Variants in SUSD4 observed in about 807,000 individuals in gnomAD.
The protein encoded by SUSD4 is sushi domain containing 4, also known as sushi domain-containing protein 4.
A neutral mutation model predicts 50.5 loss-of-function variants in SUSD4; 41 were observed. The ratio of observed to expected loss-of-function variants is 0.81; its 90% CI spans 0.63 to 1.05. The LOEUF (loss-of-function observed/expected upper bound fraction) is 1.05. SUSD4 is among the 50% of genes least tolerant of loss of function. The probability of loss-of-function intolerance (pLI) is 0.00; values close to 1 mark genes in which losing one functional copy is unlikely to be tolerated. For synonymous variants in SUSD4, 257 were observed against 257.3 expected (o/e 1.00, Z 0.01); for missense variants, 580 against 634.7 (o/e 0.91, Z 0.93).
intron 2 of SUSD4, among the ~76,000 whole-genome samples, chr1:223,327,378 G>A (rs915664970): frequency 1.3e-5 from 2 of 152,040 alleles, no homozygotes; most frequent in African/African-American, 4.8e-5. Flanking sequence ...TACATATTAG[G>A]TACAATGTAC....
At chr1:223,361,248 C>A (rs1668959054) in intron 2 of SUSD4, among the ~76,000 whole-genome samples, 1 of 152,118 alleles carries the variant, frequency 6.6e-6, no homozygotes, top group South Asian at 2.1e-4. Context: ...ATAGGACATC[C>A]CCCACCACCC....
chr1:223,234,928 TC>T, intron 5 of SUSD4: 1 of 1,566,240 alleles, frequency 6.4e-7, no homozygotes, highest in Non-Finnish European at 8.6e-7. Context: ...AATTCAAACG[TC>T]CTTTATTGCA....
chr1:223,322,801 T>C (rs1323031651), intron 2 of SUSD4, among the ~76,000 whole-genome samples: 1 of 152,240 alleles, frequency 6.6e-6, no homozygotes, highest in African/African-American at 2.4e-5. Context: ...AAGCTTTTCA[T>C]GGACAGAGAC....
intron 5 of SUSD4, among the ~76,000 whole-genome samples, chr1:223,243,853 G>A (rs766269015): frequency 6.6e-6 from 1 of 152,218 alleles, no homozygotes; most frequent in African/African-American, 2.4e-5. Flanking sequence ...CTCCAGCATA[G>A]ATAAGGGAGA....
intron 2 of SUSD4, among the ~76,000 whole-genome samples, chr1:223,330,886 C>T (rs754956436): frequency 7.9e-5 from 12 of 152,200 alleles, no homozygotes; most frequent in Non-Finnish European, 1.8e-4. Flanking sequence ...AAGTATTCAC[C>T]TATCAGAACT....
rs188870661 is a variant in SUSD4, at chr1:223,223,021, T to C, written c.1444+228A>G. 7.5e-4 allele frequency among the ~76,000 whole-genome samples: 114 copies of C among 152,364 alleles called. 2 individuals carry two copies. The Middle Eastern group carries it at 0.01, about 14-fold the overall frequency. ...CTTTTGGTGCCTCTTGAAATTTCCA[T>C]TAATGGGCTCATTACTTGCAAGATG... On this transcript the variant is annotated intron_variant, in intron 8 of 8. Transcript: ENST00000366878.
At chr1:223,252,236 A>AAAAATATATAT (rs1343732568) in intron 5 of SUSD4, among the ~76,000 whole-genome samples, 57 of 89,690 alleles carry the variant, frequency 6.4e-4, no homozygotes, top group African/African-American at 1.9e-3. Flanking sequence ...AAAAAAAAAA[A>AAAAATATATAT]ATATATATAT....
At chr1:223,365,188 C>T (rs1669246018), upstream of SUSD4, among the ~76,000 whole-genome samples, 1 of 152,124 alleles carries the variant, frequency 6.6e-6, no homozygotes, top group Non-Finnish European at 1.5e-5. Flanking sequence ...AGAGAGTTGG[C>T]CTGGTCGGTC....
At chr1:223,243,832 T>C (rs562567181) in intron 5 of SUSD4, among the ~76,000 whole-genome samples, 25 of 152,364 alleles carry the variant, frequency 1.6e-4, no homozygotes, top group African/African-American at 5.8e-4. Flanking sequence ...TTATCAGCAC[T>C]ATGGCACCTC....
At chr1:223,351,449 T>C (rs1347523963) in intron 2 of SUSD4, among the ~76,000 whole-genome samples, 5 of 152,304 alleles carry the variant, frequency 3.3e-5, no homozygotes, top group Middle Eastern at 6.8e-3. Context: ...CCAGACCATC[T>C]CCTAGGCTCT....
chr1:223,279,855 A>G (rs1350280088), intron 3 of SUSD4, among the ~76,000 whole-genome samples: 1 of 152,242 alleles, frequency 6.6e-6, no homozygotes, highest in Non-Finnish European at 1.5e-5. Context: ...TAGGTTACCC[A>G]CAAAGGGAAA....
chr1:223,238,833 T>C (rs1406816255), intron 5 of SUSD4, among the ~76,000 whole-genome samples: 21 of 152,018 alleles, frequency 1.4e-4, no homozygotes, highest in Admixed American at 1.4e-3. Context: ...AAGTAGTCTA[T>C]GTATGTCAAT....
chr1:223,303,301 A>G (rs74145796), intron 2 of SUSD4, among the ~76,000 whole-genome samples: 232 of 152,296 alleles, frequency 1.5e-3, no homozygotes, highest in African/African-American at 5.3e-3. Flanking sequence ...GAGAGAAAAT[A>G]ATTTTAAAAA....
At chr1:223,258,203 G>A (rs1486681547) in intron 5 of SUSD4, among the ~76,000 whole-genome samples, 4 of 152,154 alleles carry the variant, frequency 2.6e-5, no homozygotes, top group African/African-American at 9.7e-5. Flanking sequence ...GGCGCCTCTT[G>A]TACCTGAACG....
At chr1:223,334,489 T>C (rs780403139) in intron 2 of SUSD4, among the ~76,000 whole-genome samples, 2 of 152,080 alleles carry the variant, frequency 1.3e-5, no homozygotes, top group South Asian at 2.1e-4. Flanking sequence ...GTCTCCAAAC[T>C]GACAAGGCTA....
rs149023455 is a variant in SUSD4, at chr1:223,336,434, A to T, written c.148+26844T>A. Reference sequence around the variant, plus strand: ...ATATCAGTATAAGCAATTATCAAGAAACATGAAGGTAGCCGCATGACCAGT... The same window carrying T: ...ATATCAGTATAAGCAATTATCAAGATACATGAAGGTAGCCGCATGACCAGT... On this transcript the variant is annotated intron_variant, in intron 2 of 8. Transcript: ENST00000366878. 1.2e-4 allele frequency among the ~76,000 whole-genome samples: 19 copies of T among 152,356 alleles called. 1 individual carries two copies. In the East Asian group the frequency reaches 3.7e-3, roughly 29 times the overall value.
intron 2 of SUSD4, among the ~76,000 whole-genome samples, chr1:223,319,503 C>T (rs1280652593): frequency 6.6e-6 from 1 of 152,170 alleles, no homozygotes; most frequent in Non-Finnish European, 1.5e-5. Flanking sequence ...GTCCAGCAGG[C>T]TCTGTCCCTC....
Position 223,341,024 on chromosome 1 carries a change from G to A in SUSD4, c.148+22254C>T, listed in dbSNP as rs145454870. ...TTGCTAAAATACACATGTTTGATAT[G>A]GAAAGTCCTAAAGCTTTCTTCCTCC... On this transcript the variant is annotated intron_variant, in intron 2 of 8. Coordinates refer to ENST00000366878, the MANE Select transcript of SUSD4 (RefSeq NM_017982.4). 2.9e-4 allele frequency among the ~76,000 whole-genome samples: 44 copies of A among 152,318 alleles called. No homozygotes were observed. The East Asian group carries it at 8.1e-3, about 28-fold the overall frequency.
chr1:223,329,158 T>C (rs1464503458), intron 2 of SUSD4, among the ~76,000 whole-genome samples: 1 of 152,150 alleles, frequency 6.6e-6, no homozygotes, highest in Non-Finnish European at 1.5e-5. Flanking sequence ...TTCACAGCTT[T>C]ATCAACGGGC....
Sources: gnomAD v4.1 joint callset for allele counts (sites outside exome capture counted in the v4.1 genomes callset) on GRCh38, gnomAD v4.1.1 for gene constraint, MANE v1.5 for transcripts, NCBI Gene and HGNC (gene_info 2026-07-23, HGNC 2026-07-21) for gene names.